The following ITK variants were observed in gnomAD, a reference collection of about 807,000 sequenced individuals.
The protein encoded by ITK is tyrosine-protein kinase ITK/TSK.
A neutral mutation model predicts 87.6 loss-of-function variants in ITK; 45 were observed. That is an observed-to-expected ratio of 0.51 (90% CI 0.40 to 0.66). ITK has a LOEUF of 0.66. Among genes scored for constraint, ITK ranks in the 30% least tolerant of loss-of-function variants. ITK has a pLI of 0.00. For synonymous variants in ITK, 303 were observed against 273.6 expected (o/e 1.11, Z -1.06); for missense variants, 605 against 766.3 (o/e 0.79, Z 2.48).
At chr5:157,184,527 A>G (rs1474128957) in intron 1 of ITK, among the ~76,000 whole-genome samples, 2 of 152,146 alleles carry the variant, frequency 1.3e-5, no homozygotes, top group Admixed American at 6.5e-5. Context: ...GAAAATGGAG[A>G]GCCTCAGGCA....
intron 8 of ITK, among the ~76,000 whole-genome samples, chr5:157,237,063 G>A (rs1318179506): frequency 6.6e-6 from 1 of 152,154 alleles, no homozygotes; most frequent in Non-Finnish European, 1.5e-5. Flanking sequence ...CTATTACAGG[G>A]TATATACCCA....
intron 11 of ITK, 97 bp from the exon 12 acceptor site, chr5:157,243,526 G>A (rs1043964843): frequency 7.2e-6 from 7 of 967,508 alleles, no homozygotes; most frequent in Non-Finnish European, 1.2e-5. Context: ...ATTAACAATA[G>A]GCTAAAATTC....
At chr5:157,211,246 A>G in intron 2 of ITK, 41 bp from the exon 3 acceptor site, 1 of 1,541,360 alleles carries the variant, frequency 6.5e-7, no homozygotes, top group Non-Finnish European at 9.0e-7. Flanking sequence ...AACTATCTCC[A>G]TGCACGCTGC....
At chr5:157,231,950 G>A (rs1016549140) in intron 7 of ITK, among the ~76,000 whole-genome samples, 1 of 152,280 alleles carries the variant, frequency 6.6e-6, no homozygotes, top group South Asian at 2.1e-4. Context: ...ACTGACTTAT[G>A]AAACGAAGAG....
rs182561479 is a variant in ITK, at chr5:157,227,452, C to T, written c.648-844C>T. 4.8e-3 allele frequency among the ~76,000 whole-genome samples: 724 copies of T among 152,188 alleles called. 7 individuals carry two copies. The highest frequency in any genetic ancestry group is 0.016 in the African/African-American group (680 of 41,510). ...TTATCCTTTTTTTCTCGTGTTTATA[C>T]CGTTCATATCTGAAGAAGCTCAATT... On this transcript the variant is annotated intron_variant, in intron 6 of 16. Transcript: ENST00000422843.
chr5:157,192,807 A>C (rs2436382), intron 1 of ITK, among the ~76,000 whole-genome samples: 1 of 151,978 alleles, frequency 6.6e-6, no homozygotes, highest in Non-Finnish European at 1.5e-5. Context: ...TCCCCCTGGG[A>C]TGTAAATTGA....
At chr5:157,252,525 G>C (rs1165178888) in intron 16 of ITK, 82 bp from the exon 17 acceptor site, 1 of 964,890 alleles carries the variant, frequency 1.0e-6, no homozygotes. Flanking sequence ...AGGGGATGCT[G>C]CTATTAAATT....
chr5:157,227,364 G>A (rs918686279), intron 6 of ITK, among the ~76,000 whole-genome samples: 5 of 152,106 alleles, frequency 3.3e-5, no homozygotes, highest in Non-Finnish European at 7.4e-5. Flanking sequence ...TATGTTTTTT[G>A]TTTATGCACA....
At chr5:157,205,055 T>C (rs1279597738) in intron 1 of ITK, among the ~76,000 whole-genome samples, 1 of 152,224 alleles carries the variant, frequency 6.6e-6, no homozygotes, top group African/African-American at 2.4e-5. Flanking sequence ...AGCACGCTCA[T>C]ATATCACAAA....
chr5:157,184,733 G>A (rs1046549567), intron 1 of ITK, among the ~76,000 whole-genome samples: 1 of 152,188 alleles, frequency 6.6e-6, no homozygotes, highest in Non-Finnish European at 1.5e-5. Context: ...CATGAGAAAA[G>A]TATGTTATAA....
intron 1 of ITK, among the ~76,000 whole-genome samples, chr5:157,190,269 AT>A (rs1008045376): frequency 1.5e-4 from 23 of 152,246 alleles, no homozygotes; most frequent in Admixed American, 9.8e-4. Context: ...AACTATAGGG[AT>A]TTTTCCCCCC....
chr5:157,195,460 T>C (rs907071593), intron 1 of ITK: 3 of 152,238 alleles, frequency 2.0e-5, no homozygotes, highest in African/African-American at 7.2e-5. Context: ...AAAGAGATAA[T>C]ACATTCACAT....
intron 1 of ITK, among the ~76,000 whole-genome samples, chr5:157,202,897 C>G (rs1036142823): frequency 6.6e-6 from 1 of 152,168 alleles, no homozygotes; most frequent in Non-Finnish European, 1.5e-5. Context: ...ATTTTTATCC[C>G]TGTTCACAAT....
rs770115412 is a variant in ITK, at chr5:157,249,040, C to T, written c.1791+33C>T. The T allele has an allele frequency of 1.6e-5, 25 of 1,600,920 alleles. 1 individual carries two copies. The highest frequency in any genetic ancestry group is 1.1e-4 in the South Asian group (10 of 90,738). ...GAGGAAGTGCTTCCCCATGCATTGTCGTATACAATTTGAGGACCTCCCTCC... is the reference window on the plus strand; with the variant it reads ...GAGGAAGTGCTTCCCCATGCATTGTTGTATACAATTTGAGGACCTCCCTCC... On this transcript the variant is annotated intron_variant, in intron 16 of 16. Transcript: ENST00000422843.
In ITK at chr5:157,252,978, G is replaced by A; in HGVS notation, c.*300G>A. ...ACCTCAACCTGACAGCTTTCAGACA[G>A]CATTCTTGCACTTCTTAGCAACAGA... On this transcript the variant is annotated 3_prime_UTR_variant, in exon 17 of 17. Coordinates refer to ENST00000422843, the MANE Select transcript of ITK (RefSeq NM_005546.4). 1 of 473,416 alleles carries A rather than the reference G, an allele frequency of 2.1e-6. No individual in the cohort carries two copies. Among genetic ancestry groups the A allele is most frequent in the Non-Finnish European group, 3.9e-6 (1 of 255,314 alleles). The allele number at this position is 473,416 out of a possible 1,614,324, so 29.3% of individuals were successfully genotyped here. A position where few individuals can be genotyped will look rare whatever the true frequency, so the allele number is the denominator to read the frequency against.
Position 157,252,865 on chromosome 5 carries a change from G to A in ITK, c.*187G>A. ...ACAGCTGGCAGTCAAGCCACAGCTG[G>A]AGGGTCAGCCACCAAGCTGGGAGCT... On this transcript the variant is annotated 3_prime_UTR_variant, in exon 17 of 17. Transcript: ENST00000422843. 1 of 641,046 alleles carries A rather than the reference G, an allele frequency of 1.6e-6. No individual in the cohort carries two copies. Among genetic ancestry groups the A allele is most frequent in the Non-Finnish European group, 2.9e-6 (1 of 350,434 alleles). The allele number at this position is 641,046 out of a possible 1,614,324, so 39.7% of individuals were successfully genotyped here.
chr5:157,184,990 A>G (rs1753612989), intron 1 of ITK, among the ~76,000 whole-genome samples: 1 of 152,182 alleles, frequency 6.6e-6, no homozygotes, highest in South Asian at 2.1e-4. Flanking sequence ...TCCACTCCTC[A>G]TGGCCTTTTC....
At chr5:157,208,552 G>A (rs536946369) in intron 1 of ITK, among the ~76,000 whole-genome samples, 1 of 152,254 alleles carries the variant, frequency 6.6e-6, no homozygotes, top group South Asian at 2.1e-4. Flanking sequence ...AGAGAAAATT[G>A]TCATATGTGT....
chr5:157,199,562 G>A (rs17054348), intron 1 of ITK: 18,749 of 152,168 alleles, frequency 0.12, 1,397 homozygotes, highest in Middle Eastern at 0.2. Context: ...CTGAGTTCAG[G>A]GAATGATAGT....
Sources: gnomAD v4.1 joint callset for allele counts (sites outside exome capture counted in the v4.1 genomes callset) on GRCh38, gnomAD v4.1.1 for gene constraint, MANE v1.5 for transcripts, NCBI Gene and HGNC (gene_info 2026-07-23, HGNC 2026-07-21) for gene names.